BABAM2: variants seen among roughly 807,000 people sequenced by gnomAD.
BABAM2 encodes BRISC and BRCA1 A complex member 2.
Under a neutral mutation model 54.7 loss-of-function variants are expected in BABAM2, and 31 were observed. The observed-to-expected ratio is 0.57, with a 90% CI of 0.43 to 0.77. The LOEUF (loss-of-function observed/expected upper bound fraction) is 0.77. Among genes scored for constraint, BABAM2 ranks in the 30% least tolerant of loss-of-function variants. The pLI is 0.00. For synonymous variants in BABAM2, 167 were observed against 162.9 expected (o/e 1.03, Z -0.19); for missense variants, 364 against 455.8 (o/e 0.80, Z 1.83).
chr2:28,020,571 T>C (rs1675171179), intron 4 of BABAM2, among the ~76,000 whole-genome samples: 1 of 152,168 alleles, frequency 6.6e-6, no homozygotes, highest in Non-Finnish European at 1.5e-5. Flanking sequence ...GATAGCCAAG[T>C]TGTAATCATA....
At chr2:28,334,112 C>T (rs1347177560) in intron 11 of BABAM2, among the ~76,000 whole-genome samples, 4 of 152,336 alleles carry the variant, frequency 2.6e-5, no homozygotes, top group East Asian at 3.9e-4. Flanking sequence ...GCCCTCGCCA[C>T]GCTTCCCCTT....
At chr2:27,911,894 T>TC (rs1393225771) in intron 2 of BABAM2, among the ~76,000 whole-genome samples, 1 of 152,194 alleles carries the variant, frequency 6.6e-6, no homozygotes. Context: ...ACGTGCCTCC[T>TC]CCAAGTATTT....
chr2:28,326,835 G>T (rs1384663610), intron 11 of BABAM2, among the ~76,000 whole-genome samples: 2 of 152,198 alleles, frequency 1.3e-5, no homozygotes, highest in Non-Finnish European at 2.9e-5. Context: ...ATTAGGATAC[G>T]CAGTGTCACA....
chr2:28,130,121 G>A (rs997475553), intron 7 of BABAM2, among the ~76,000 whole-genome samples: 1 of 152,158 alleles, frequency 6.6e-6, no homozygotes, highest in African/African-American at 2.4e-5. Context: ...TTTTTCATCA[G>A]CAGAGAGAGT....
At chr2:28,261,526 T>G (rs1684534062) in intron 10 of BABAM2, among the ~76,000 whole-genome samples, 2 of 151,776 alleles carry the variant, frequency 1.3e-5, no homozygotes, top group South Asian at 2.1e-4. Flanking sequence ...GTAGAGACAG[T>G]GTTTCATTTC....
chr2:28,076,269 T>A (rs1287593493), intron 6 of BABAM2, among the ~76,000 whole-genome samples: 1 of 151,928 alleles, frequency 6.6e-6, no homozygotes, highest in Non-Finnish European at 1.5e-5. Context: ...GCAAAACCCT[T>A]TCTCAAAAAG....
chr2:28,008,100 C>T (rs193253017), intron 4 of BABAM2, among the ~76,000 whole-genome samples: 182 of 152,212 alleles, frequency 1.2e-3, no homozygotes, highest in African/African-American at 4.2e-3. Flanking sequence ...CTGTTCCTGT[C>T]CTCCCATAGT....
chr2:28,228,143 T>C (rs1220526830), intron 7 of BABAM2, among the ~76,000 whole-genome samples: 3 of 152,244 alleles, frequency 2.0e-5, no homozygotes, highest in Non-Finnish European at 4.4e-5. Flanking sequence ...TCTCATCTTC[T>C]GGTATCTTTT....
intron 3 of BABAM2, among the ~76,000 whole-genome samples, chr2:27,973,305 T>C (rs1671356237): frequency 6.6e-6 from 1 of 152,130 alleles, no homozygotes; most frequent in African/African-American, 2.4e-5. Context: ...TTTCCATATC[T>C]CCTGGTTTGG....
chr2:28,004,493 G>A (rs1397639480), intron 4 of BABAM2, among the ~76,000 whole-genome samples: 1 of 152,066 alleles, frequency 6.6e-6, no homozygotes, highest in Non-Finnish European at 1.5e-5. Context: ...AAACCAGATT[G>A]AAAAATAAAG....
At chr2:28,317,101 C>T (rs1689620253) in intron 11 of BABAM2, among the ~76,000 whole-genome samples, 1 of 152,064 alleles carries the variant, frequency 6.6e-6, no homozygotes, top group Non-Finnish European at 1.5e-5. Flanking sequence ...ATGCTTTGAC[C>T]CTCCTCTCCT....
At chr2:28,112,148 TACCTCC>T (rs1668128452) in intron 6 of BABAM2, among the ~76,000 whole-genome samples, 2 of 41,470 alleles carry the variant, frequency 4.8e-5, no homozygotes, top group African/African-American at 1.0e-4. Flanking sequence ...TTTCTTTCTT[TACCTCC>T]CTCCCTCCCT....
At chr2:27,927,034 C>T (rs766398483) in intron 2 of BABAM2, among the ~76,000 whole-genome samples, 1 of 152,134 alleles carries the variant, frequency 6.6e-6, no homozygotes, top group Non-Finnish European at 1.5e-5. Context: ...AGAATGTATT[C>T]CTCTTATCTT....
intron 10 of BABAM2, among the ~76,000 whole-genome samples, chr2:28,271,096 G>A (rs944118185): frequency 2.0e-5 from 3 of 152,210 alleles, no homozygotes; most frequent in African/African-American, 7.2e-5. Flanking sequence ...TTGGAAGATA[G>A]CTGTCCATAA....
chr2:27,999,138 T>A (rs1286979314), intron 4 of BABAM2, among the ~76,000 whole-genome samples: 1 of 152,182 alleles, frequency 6.6e-6, no homozygotes, highest in Non-Finnish European at 1.5e-5. Context: ...TTGTCTTTAG[T>A]TTTCCTAACA....
In BABAM2 at chr2:27,941,047, G is replaced by A. The variant is rs944167964; in HGVS notation, c.205+11139G>A. ...GTTGTCATTGAGTTTAAATTCCTGG[G>A]AGAGAGGATCTGATTGGCAGCTTGG... On this transcript the variant is annotated intron_variant, in intron 3 of 11. Coordinates refer to ENST00000379624, the MANE Select transcript of BABAM2 (RefSeq NM_199191.3). 3.9e-5 allele frequency among the ~76,000 whole-genome samples: 6 copies of A among 152,280 alleles called. No homozygotes were observed. In the South Asian group the frequency reaches 8.3e-4, roughly 21 times the overall value.
At chr2:28,171,372 T>C (rs1207524429) in intron 7 of BABAM2, among the ~76,000 whole-genome samples, 1 of 152,186 alleles carries the variant, frequency 6.6e-6, no homozygotes, top group African/African-American at 2.4e-5. Flanking sequence ...CCTATATGTT[T>C]TTTGTTTTGG....
chr2:27,965,116 GTTGTCCTGGTTAATTATTAA>G (rs1670747390), intron 3 of BABAM2, among the ~76,000 whole-genome samples: 1 of 152,148 alleles, frequency 6.6e-6, no homozygotes, highest in Non-Finnish European at 1.5e-5. Flanking sequence ...CTCTATGTCT[GTTGTCCTGGTTAATTATTAA>G]TAATGCCCTT....
intron 3 of BABAM2, among the ~76,000 whole-genome samples, chr2:27,965,251 C>G (rs185857409): frequency 2.0e-5 from 3 of 152,112 alleles, no homozygotes; most frequent in Admixed American, 2.0e-4. Context: ...ATTATTTCAA[C>G]GTAAATTATA....
Sources: gnomAD v4.1 joint callset for allele counts (sites outside exome capture counted in the v4.1 genomes callset) on GRCh38, gnomAD v4.1.1 for gene constraint, MANE v1.5 for transcripts, NCBI Gene and HGNC (gene_info 2026-07-23, HGNC 2026-07-21) for gene names.